MED26: variants seen among roughly 807,000 people sequenced by gnomAD.
MED26 encodes the protein mediator complex subunit 26, also known as mediator of RNA polymerase II transcription subunit 26.
In MED26, 7 loss-of-function variants were observed where a neutral mutation model predicts 43.7. That is an observed-to-expected ratio of 0.16 (90% CI 0.09 to 0.30). The LOEUF (loss-of-function observed/expected upper bound fraction) is 0.30, where lower values mean the gene tolerates loss of function less well. Among genes scored for constraint, MED26 ranks in the 10% least tolerant of loss-of-function variants. The pLI, the probability that MED26 is intolerant of heterozygous loss-of-function variation, is 1.00. For missense variants in MED26, 784 were observed against 840.6 expected, an observed-to-expected ratio of 0.93 and a Z score of 0.83; for synonymous variants, 375 against 371.1, an observed-to-expected ratio of 1.01 and a Z score of -0.12.
In MED26 at chr19:16,576,618, A is replaced by G. The variant is rs751961388; in HGVS notation, c.1212T>C (p.Val404=). The G allele has an allele frequency of 6.2e-7, 1 of 1,614,188 alleles. No individual in the cohort carries two copies. Among genetic ancestry groups the G allele is most frequent in the South Asian group, 1.1e-5 (1 of 91,078 alleles). ...CCTCAGCCACCTGCCCGTCCAAGTTAACCGTATAGTCTCGAGGTCGGTACC... is the reference window on the plus strand; with the variant it reads ...CCTCAGCCACCTGCCCGTCCAAGTTGACCGTATAGTCTCGAGGTCGGTACC... The part of the protein sequence containing the change: ...KKRYRPRDYT[V]NLDGQVAEAG... The change falls in exon 3 of 3, where the codon GTT becomes GTC. Residue 404 remains valine, a synonymous_variant. Transcript: ENST00000263390. This position sits in a 1 kb window ranked among gnomAD's most constrained non-coding sequence, Gnocchi z 6.8.
chr19:16,619,283 C>T (rs564564686), intron 1 of MED26, among the ~76,000 whole-genome samples: 21 of 152,190 alleles, frequency 1.4e-4, no homozygotes, highest in Non-Finnish European at 1.5e-4. Context: ...AGGCACCATG[C>T]AAGATGCACC....
rs2086291673 is a variant in MED26, at chr19:16,628,042, C to T, written c.-99G>A. ...CTCGCCGGCCTCCGGGAGCCGGAGC[C>T]GCATGTTCCCCGCGGCGCCGGGGGG... On this transcript the variant is annotated 5_prime_UTR_variant, in exon 1 of 3. Coordinates refer to ENST00000263390, the MANE Select transcript of MED26 (RefSeq NM_004831.5). The T allele has an allele frequency of 1.4e-6, 1 of 695,448 alleles. No homozygotes were observed. The highest frequency in any genetic ancestry group is 4.3e-5 in the Admixed American group (1 of 23,108). The allele number at this position is 695,448 out of a possible 1,614,324, so 43.1% of individuals were successfully genotyped here.
intron 1 of MED26, among the ~76,000 whole-genome samples, chr19:16,613,283 T>C (rs2086208171): frequency 6.6e-6 from 1 of 151,966 alleles, no homozygotes; most frequent in Non-Finnish European, 1.5e-5. Flanking sequence ...AGAGGATTTC[T>C]AGTTGATTGT....
chr19:16,575,922 A>T lies in MED26; in HGVS notation c.*105T>A. 1 of 968,944 alleles carries T rather than the reference A, an allele frequency of 1.0e-6. No individual in the cohort carries two copies. The highest frequency in any genetic ancestry group is 1.5e-6 in the Non-Finnish European group (1 of 652,228). 60.0% of individuals were successfully genotyped at this position (968,944 alleles called of 1,614,324 possible). On this transcript the variant is annotated 3_prime_UTR_variant, in exon 3 of 3. Coordinates refer to ENST00000263390, the MANE Select transcript of MED26 (RefSeq NM_004831.5). ...CCTCCCGCCTGGGCCGGACTCCCCG[A>T]GTTCCCAGCGCAGGAGGCAGCTGGG...
chr19:16,598,750 G>A (rs562500630), intron 1 of MED26, among the ~76,000 whole-genome samples: 4 of 152,228 alleles, frequency 2.6e-5, no homozygotes, highest in African/African-American at 9.6e-5. Context: ...TGACACTGGC[G>A]CATCAGGCCT....
At position 16,622,900 on chromosome 19, in the gene MED26, A is replaced by T. The variant is rs570185845; in HGVS notation, c.72+4972T>A. Among the ~76,000 whole-genome samples the T allele has an allele frequency of 7.4e-4, 112 of 152,318 alleles. 1 individual carries two copies. Among genetic ancestry groups the T allele is most frequent in the South Asian group, 4.1e-4 (2 of 4,828 alleles). On this transcript the variant is annotated intron_variant, in intron 1 of 2. Coordinates refer to ENST00000263390, the MANE Select transcript of MED26 (RefSeq NM_004831.5). ...ATCTGAGAAGATGCTCGCAGACCCCAAAACCAAGAAAAGGAAAGCCAAGTG... is the reference window on the plus strand; with the variant it reads ...ATCTGAGAAGATGCTCGCAGACCCCTAAACCAAGAAAAGGAAAGCCAAGTG...
At chr19:16,596,474 C>T (rs1466041202) in intron 1 of MED26, among the ~76,000 whole-genome samples, 2 of 152,246 alleles carry the variant, frequency 1.3e-5, no homozygotes, top group Non-Finnish European at 2.9e-5. Context: ...ACCACAGCCT[C>T]AGCCATCGAG....
chr19:16,623,306 C>G (rs879875656), intron 1 of MED26, among the ~76,000 whole-genome samples: 2 of 152,172 alleles, frequency 1.3e-5, no homozygotes, highest in Admixed American at 6.5e-5. Flanking sequence ...ACAGGAGAGT[C>G]CCTGAATCTG....
intron 1 of MED26, among the ~76,000 whole-genome samples, chr19:16,601,446 C>T (rs1403844431): frequency 2.0e-5 from 3 of 152,224 alleles, no homozygotes; most frequent in Non-Finnish European, 4.4e-5. Context: ...TGTGCCACCG[C>T]GCCCGGCCTA....
chr19:16,576,010 T>C lies in MED26; in HGVS notation c.*17A>G, dbSNP rs781079718. On this transcript the variant is annotated 3_prime_UTR_variant, in exon 3 of 3. Transcript: ENST00000263390. The surrounding 1 kb of genome is among the most constrained non-coding windows in gnomAD (Gnocchi z 6.8). ...GCTTCTGCAAGATGGGAATGCACTTTGTGGCTGACAGGCCGGTCAGTCCAA... is the reference window on the plus strand; with the variant it reads ...GCTTCTGCAAGATGGGAATGCACTTCGTGGCTGACAGGCCGGTCAGTCCAA... The C allele has an allele frequency of 6.3e-7, 1 of 1,597,936 alleles. No individual in the cohort carries two copies. Among genetic ancestry groups the C allele is most frequent in the Non-Finnish European group, 8.6e-7 (1 of 1,168,752 alleles).
chr19:16,580,215 G>C (rs10405797), intron 1 of MED26, among the ~76,000 whole-genome samples: 1 of 152,138 alleles, frequency 6.6e-6, no homozygotes, highest in African/African-American at 2.4e-5. Context: ...AAGAGTTTCC[G>C]TAACACATGA....
intron 1 of MED26, among the ~76,000 whole-genome samples, chr19:16,605,701 A>G (rs2086169447): frequency 6.6e-6 from 1 of 152,206 alleles, no homozygotes; most frequent in African/African-American, 2.4e-5. Flanking sequence ...GGTGGGAGAC[A>G]TGGCTTGGTG....
intron 1 of MED26, among the ~76,000 whole-genome samples, chr19:16,590,285 C>T (rs929013915): frequency 2.0e-5 from 3 of 152,208 alleles, no homozygotes; most frequent in Admixed American, 2.0e-4. Flanking sequence ...AGCCACTTTC[C>T]CATCCAAGAA....
chr19:16,597,948 C>A (rs2086129779), intron 1 of MED26, among the ~76,000 whole-genome samples: 2 of 151,632 alleles, frequency 1.3e-5, no homozygotes, highest in Admixed American at 1.3e-4. Context: ...TGGCCTTGAA[C>A]TCCTGACCTC....
At chr19:16,599,534 T>C (rs1314409749) in intron 1 of MED26, among the ~76,000 whole-genome samples, 1 of 152,186 alleles carries the variant, frequency 6.6e-6, no homozygotes. Context: ...ATACTAGCTT[T>C]TGTCACCCAG....
At chr19:16,612,941 G>A (rs1176025431) in intron 1 of MED26, among the ~76,000 whole-genome samples, 3 of 152,158 alleles carry the variant, frequency 2.0e-5, no homozygotes, top group Non-Finnish European at 4.4e-5. Context: ...CAGCATTTGT[G>A]AAAATCAAAG....
At chr19:16,618,073 A>G (rs1295475332) in intron 1 of MED26, among the ~76,000 whole-genome samples, 1 of 152,224 alleles carries the variant, frequency 6.6e-6, no homozygotes, top group Non-Finnish European at 1.5e-5. Flanking sequence ...AAGCCAGGCC[A>G]GGAAACACAG....
chr19:16,577,164 G>A lies in MED26; in HGVS notation c.666C>T (p.Pro222=), dbSNP rs1018092945. 9.9e-6 allele frequency: 16 copies of A among 1,613,322 alleles called. No homozygotes were observed. The highest frequency in any genetic ancestry group is 1.3e-5 in the African/African-American group (1 of 75,048). ...TGGTGTGCGGTCGCACGGCGTTGACGGGGATCTTGCCACTGTGCTTGTCAT... is the reference window on the plus strand; with the variant it reads ...TGGTGTGCGGTCGCACGGCGTTGACAGGGATCTTGCCACTGTGCTTGTCAT... The part of the protein sequence containing the change: ...DENDKHSGKI[P]VNAVRPHTSS... Residue 222 remains proline (P), a synonymous_variant, in exon 3 of 3, where the codon CCC becomes CCT. Transcript: ENST00000263390. This position sits in a 1 kb window ranked among gnomAD's most constrained non-coding sequence, Gnocchi z 8.1.
chr19:16,592,242 C>A (rs187642106), intron 1 of MED26, among the ~76,000 whole-genome samples: 118 of 152,340 alleles, frequency 7.7e-4, no homozygotes, highest in African/African-American at 2.8e-3. Context: ...CAACTGTAAA[C>A]CCTGAGGGGG....
Sources: allele counts gnomAD v4.1 joint callset (sites outside exome capture counted in the v4.1 genomes callset), GRCh38; gene constraint gnomAD v4.1.1; non-coding constraint Gnocchi (gnomAD v3.1); transcripts MANE v1.5; gene names NCBI Gene and HGNC (gene_info 2026-07-23, HGNC 2026-07-21).